Variants in AOX1 observed in about 807,000 individuals in gnomAD.
The protein encoded by AOX1 is aldehyde oxidase.
AOX1 carries 153 observed loss-of-function variants against 169.5 expected under a neutral mutation model. That is an observed-to-expected ratio of 0.90 (90% confidence interval 0.79 to 1.03). The LOEUF (loss-of-function observed/expected upper bound fraction) is 1.03, where lower values mean the gene tolerates loss of function less well. AOX1 is among the 50% of genes least tolerant of loss of function. The pLI, the probability that AOX1 is intolerant of heterozygous loss-of-function variation, is 0.00. For synonymous variants in AOX1, 562 were observed against 581.9 expected (o/e 0.97, Z 0.49); for missense variants, 1,656 against 1,663.9 (o/e 1.00, Z 0.08).
chr2:200,637,217 A>G (rs1033627268), intron 22 of AOX1, among the ~76,000 whole-genome samples, 173 bp downstream of exon 22: 2 of 152,222 alleles, frequency 1.3e-5, no homozygotes, highest in Non-Finnish European at 2.9e-5. Context: ...TCCTATAGCA[A>G]CCAAAATAAG....
At chr2:200,638,965 A>G (rs532542025) in intron 23 of AOX1, among the ~76,000 whole-genome samples, 87 of 152,258 alleles carry the variant, frequency 5.7e-4, no homozygotes, top group Middle Eastern at 6.8e-3. Flanking sequence ...TCATTCAGGG[A>G]CTGGAGCTGT....
intron 12 of AOX1, among the ~76,000 whole-genome samples, chr2:200,610,235 C>A (rs908030790): frequency 5.9e-5 from 9 of 152,070 alleles, no homozygotes; most frequent in African/African-American, 1.9e-4. Flanking sequence ...CCATGCCCAG[C>A]TAATTTTTGT....
At chr2:200,630,579 GA>G (rs2035102849) in intron 20 of AOX1, among the ~76,000 whole-genome samples, 2 of 149,998 alleles carry the variant, frequency 1.3e-5, no homozygotes, top group African/African-American at 4.9e-5. Flanking sequence ...AGGAAGGAAG[GA>G]AGGAAGGAAG....
chr2:200,592,957 T>C (rs968811809), intron 1 of AOX1, among the ~76,000 whole-genome samples, 189 bp from the exon 2 acceptor site: 2 of 151,932 alleles, frequency 1.3e-5, no homozygotes, highest in African/African-American at 4.9e-5. Flanking sequence ...AGCACAATTG[T>C]GGTGGGGCTC....
At chr2:200,648,174 A>G (rs779303315) in intron 25 of AOX1, among the ~76,000 whole-genome samples, 11 of 152,078 alleles carry the variant, frequency 7.2e-5, no homozygotes, top group Non-Finnish European at 1.5e-4. Flanking sequence ...TTGTTTTGTC[A>G]TGTTACCAGG....
At chr2:200,614,011 T>C in intron 15 of AOX1, 45 bp downstream of exon 15, 2 of 1,569,446 alleles carry the variant, frequency 1.3e-6, no homozygotes, top group Non-Finnish European at 1.7e-6. Flanking sequence ...CTGGGAGCTA[T>C]GATGACACCA....
At chr2:200,654,545 G>A (rs1485404274) in intron 26 of AOX1, among the ~76,000 whole-genome samples, 1 of 152,196 alleles carries the variant, frequency 6.6e-6, no homozygotes, top group Non-Finnish European at 1.5e-5. Flanking sequence ...CAATATCAGT[G>A]TACTTACTTC....
intron 19 of AOX1, 75 bp downstream of exon 19, chr2:200,624,058 T>C: frequency 6.3e-7 from 1 of 1,586,862 alleles, no homozygotes. Flanking sequence ...TTGGCTACTG[T>C]AACAGGAAAA....
chr2:200,650,672 A>G (rs780955730), intron 25 of AOX1, among the ~76,000 whole-genome samples: 1 of 152,248 alleles, frequency 6.6e-6, no homozygotes, highest in Non-Finnish European at 1.5e-5. Context: ...AACTAGAATT[A>G]AGAGTCTACA....
At chr2:200,657,190 A>ATATATATATATATATATTTTTTTTTT in intron 27 of AOX1, among the ~76,000 whole-genome samples, 3 of 62,878 alleles carry the variant, frequency 4.8e-5, no homozygotes, top group African/African-American at 1.6e-4. Context: ...ATATATATAT[A>ATATATATATATATATATTTTTTTTTT]TTTTTTTTTT....
chr2:200,669,516 G>T, intron 33 of AOX1, 59 bp from the exon 34 acceptor site: 2 of 1,527,310 alleles, frequency 1.3e-6, no homozygotes, highest in Non-Finnish European at 1.8e-6. Flanking sequence ...CTATAAATAT[G>T]CACATATATA....
chr2:200,656,252 A>C (rs932714758), intron 26 of AOX1, among the ~76,000 whole-genome samples: 1 of 152,204 alleles, frequency 6.6e-6, no homozygotes. Context: ...ATTTTCTGGG[A>C]TATCCCCATA....
intron 20 of AOX1, among the ~76,000 whole-genome samples, chr2:200,631,081 A>C (rs963202479): frequency 6.6e-6 from 1 of 152,224 alleles, no homozygotes; most frequent in African/African-American, 2.4e-5. Flanking sequence ...GGAGCATTAC[A>C]TCAGGTCTTA....
chr2:200,634,817 C>A lies in AOX1; in HGVS notation c.2248C>A (p.His750Asn). The stretch of plus-strand genomic sequence containing the variant: ...TGAAATACATATGGGAGGTCAAGAA[C>A]ATTTTTATATGGAAACCCAAAGCAT... ...EGEIHMGGQE[H>N]FYMETQSMLV... is the part of the protein sequence containing the mutation. The change falls in exon 21 of 35, where the codon CAT becomes AAT. Residue 750 changes from histidine to asparagine, a missense_variant. By Grantham distance (68) the His-to-Asn change is moderately conservative (BLOSUM62 1). Transcript: ENST00000374700. The A allele has an allele frequency of 6.2e-7, 1 of 1,613,952 alleles. No individual in the cohort carries two copies. Among genetic ancestry groups the A allele is most frequent in the Non-Finnish European group, 8.5e-7 (1 of 1,179,946 alleles).
In AOX1 at chr2:200,611,427, G is replaced by A; in HGVS notation, c.1197G>A (p.Lys399=). Residue 399 remains lysine (K), a synonymous_variant, in exon 13 of 35, where the codon AAG becomes AAA. Transcript: ENST00000374700. ...CTTTAAATGAGCAATTCCTCAGCAA[G>A]TGCCCTAATGCAGATCTTAAGCCTC... ...QIPLNEQFLS[K]CPNADLKPQE... 1 of 1,614,030 alleles carries A rather than the reference G, an allele frequency of 6.2e-7. No individual in the cohort carries two copies. The highest frequency in any genetic ancestry group is 8.5e-7 in the Non-Finnish European group (1 of 1,179,920).
intron 27 of AOX1, among the ~76,000 whole-genome samples, chr2:200,657,165 A>ATATAT (rs2035706456): frequency 1.0e-4 from 9 of 88,366 alleles, no homozygotes; most frequent in African/African-American, 3.7e-4. Context: ...CTCTACCAAA[A>ATATAT]ATATATATAT....
chr2:200,641,278 AT>A, intron 24 of AOX1, 94 bp downstream of exon 24: 1 of 873,990 alleles, frequency 1.1e-6, no homozygotes, highest in Non-Finnish European at 1.8e-6. Context: ...GTAATATTTG[AT>A]TATAAAGGTA....
At chr2:200,618,737 G>A (rs370769363) in intron 16 of AOX1, among the ~76,000 whole-genome samples, 3 of 152,104 alleles carry the variant, frequency 2.0e-5, no homozygotes, top group East Asian at 1.9e-4. Flanking sequence ...GAGCAGCAGA[G>A]GGCACTGGAG....
At chr2:200,676,429 G>A (rs1430642377), downstream of AOX1, among the ~76,000 whole-genome samples, 5 of 151,770 alleles carry the variant, frequency 3.3e-5, no homozygotes, top group East Asian at 3.9e-4. Context: ...GTGAAACCCC[G>A]TCTCTACTAA....
Sources: gnomAD v4.1 joint callset for allele counts (sites outside exome capture counted in the v4.1 genomes callset) on GRCh38, gnomAD v4.1.1 for gene constraint, MANE v1.5 for transcripts, NCBI Gene and HGNC (gene_info 2026-07-23, HGNC 2026-07-21) for gene names.